GOLGA3: variants seen among roughly 807,000 people sequenced by gnomAD.
The protein encoded by GOLGA3 is golgin A3.
Under a neutral mutation model 169.4 loss-of-function variants are expected in GOLGA3, and 75 were observed. That is an observed-to-expected ratio of 0.44 (90% CI 0.37 to 0.54). GOLGA3 has a LOEUF of 0.54. GOLGA3 is among the 20% of genes least tolerant of loss of function. The pLI, the probability that GOLGA3 is intolerant of heterozygous loss-of-function variation, is 0.00. For synonymous variants in GOLGA3, 824 were observed against 822.4 expected (o/e 1.00, Z -0.03); for missense variants, 1,899 against 1,930.0 (o/e 0.98, Z 0.30).
At chr12:132,821,271 G>C (rs1409643834) in intron 2 of GOLGA3, among the ~76,000 whole-genome samples, 1 of 151,856 alleles carries the variant, frequency 6.6e-6, no homozygotes, top group East Asian at 1.9e-4. Context: ...GCTGGGCGTG[G>C]TAGCGCATGC....
At chr12:132,785,183 C>T (rs1468454301) in intron 15 of GOLGA3, among the ~76,000 whole-genome samples, 1 of 152,190 alleles carries the variant, frequency 6.6e-6, no homozygotes, top group South Asian at 2.1e-4. Flanking sequence ...AACAGCGTGG[C>T]GAGGGGCCAG....
In GOLGA3 at chr12:132,777,028, C is replaced by T. The variant is rs752656332; in HGVS notation, c.3785G>A (p.Arg1262Gln). 16 of 1,611,686 alleles carry T rather than the reference C, an allele frequency of 9.9e-6. No individual in the cohort carries two copies. The highest frequency in any genetic ancestry group is 2.7e-5 in the African/African-American group (2 of 74,882). ...CTTCTGCAGGAGCTGGAGCTGTGCC[C>T]GGGCCTCGGCCAGCTCTGCTTGGAA... Reference protein sequence around the residue: ...AQFQAELAEARAQLQLLQKQL... With the variant: ...AQFQAELAEAQAQLQLLQKQL... Residue 1262 changes from arginine (R) to glutamine (Q), a missense_variant, in exon 20 of 24, where the codon CGG becomes CAG. Physicochemically the swap from Arg to Gln is conservative, Grantham distance 43. Transcript: ENST00000450791. This position sits in a 1 kb window ranked among gnomAD's most constrained non-coding sequence, Gnocchi z 4.7.
intron 2 of GOLGA3, among the ~76,000 whole-genome samples, chr12:132,817,582 T>C (rs1950024985): frequency 2.8e-4 from 1 of 3,584 alleles, no homozygotes; most frequent in African/African-American, 6.9e-4. Flanking sequence ...GAACCCGCCC[T>C]CCACTCCTCC....
At chr12:132,775,365 C>T (rs1253242436) in intron 21 of GOLGA3, 60 bp from the exon 22 acceptor site, 2 of 1,462,918 alleles carry the variant, frequency 1.4e-6, no homozygotes, top group Non-Finnish European at 1.9e-6. Context: ...CTGCCAAGAT[C>T]CGAGTTTGTA....
chr12:132,795,587 C>T (rs1233374482), intron 11 of GOLGA3, among the ~76,000 whole-genome samples: 1 of 152,028 alleles, frequency 6.6e-6, no homozygotes, highest in Non-Finnish European at 1.5e-5. Context: ...ATGGCGAAAC[C>T]CCATCTCTAC....
At position 132,816,693 on chromosome 12, in the gene GOLGA3, T is replaced by A. The variant is rs752888713; in HGVS notation, c.253A>T (p.Thr85Ser). ...GCATCAGGGCCCACTGGGCTTGTGGTGGGATCGAGAGACGACGGAGGGTCT... is the reference window on the plus strand; with the variant it reads ...GCATCAGGGCCCACTGGGCTTGTGGAGGGATCGAGAGACGACGGAGGGTCT... ...FPDPPSSLDP[T>S]TSPVGPDASP... The change falls in exon 3 of 24, where the codon ACC becomes TCC. Residue 85 changes from threonine (T) to serine (S), a missense_variant. Physicochemically the swap from Thr to Ser is moderately conservative, Grantham distance 58 (BLOSUM62 1). Coordinates refer to ENST00000450791, the MANE Select transcript of GOLGA3 (RefSeq NM_001389683.1). The A allele has an allele frequency of 6.2e-7, 1 of 1,614,074 alleles. No homozygotes were observed. Among genetic ancestry groups the A allele is most frequent in the South Asian group, 1.1e-5 (1 of 91,084 alleles).
At chr12:132,790,673 G>A (rs1391979120) in intron 12 of GOLGA3, among the ~76,000 whole-genome samples, 2 of 152,074 alleles carry the variant, frequency 1.3e-5, no homozygotes, top group African/African-American at 4.8e-5. Context: ...AGTGACAGCC[G>A]CCCCTGGAGA....
intron 8 of GOLGA3, among the ~76,000 whole-genome samples, chr12:132,800,958 CA>C (rs546470120): frequency 6.6e-6 from 1 of 150,550 alleles, no homozygotes; most frequent in Non-Finnish European, 1.5e-5. Context: ...GACACAGTCT[CA>C]AAAAAAAACC....
rs1416229029 is a variant in GOLGA3, at chr12:132,780,852, G to A, written c.3528C>T (p.Ala1176=). The A allele has an allele frequency of 2.5e-6, 4 of 1,612,346 alleles. No homozygotes were observed. Among genetic ancestry groups the A allele is most frequent in the Non-Finnish European group, 2.5e-6 (3 of 1,180,006 alleles). The change falls in exon 18 of 24, where the codon GCC becomes GCT. Residue 1176 remains alanine (A), a synonymous_variant. Transcript: ENST00000450791. ...EDRQMKHLVQ[A]LQASLEKEKE... ...TCTCCTTCTCTAGTGAGGCCTGCAG[G>A]GCCTGGACAAGATGCTTCATCTGGC...
At chr12:132,789,346 C>G (rs2046103099) in intron 12 of GOLGA3, 56 bp from the exon 13 acceptor site, 1 of 1,461,202 alleles carries the variant, frequency 6.8e-7, no homozygotes, top group Non-Finnish European at 9.1e-7. Context: ...GGGGGGCGTA[C>G]CTGGGGGTCA....
rs142000244 is a variant in GOLGA3, at chr12:132,774,206, C to T, written c.4258G>A (p.Val1420Met). 6.8e-6 allele frequency: 11 copies of T among 1,608,798 alleles called. No homozygotes were observed. The highest frequency in any genetic ancestry group is 3.3e-5 in the South Asian group (3 of 90,986). Residue 1420 changes from valine (V) to methionine (M), a missense_variant, in exon 23 of 24, where the codon GTG (valine) becomes ATG (methionine). By Grantham distance (21) the Val-to-Met change is conservative. Transcript: ENST00000450791. ...AGGTTCTTGAGGGGCTCCTTGCTCA[C>T]GGCGGGCGGTGGTCTCAGCAGCTCC... The part of the protein sequence containing the change: ...LEELLRPPPA[V>M]SKEPLKNLNS...
At chr12:132,778,518 C>T (rs921609004) in intron 18 of GOLGA3, among the ~76,000 whole-genome samples, 1 of 151,684 alleles carries the variant, frequency 6.6e-6, no homozygotes, top group Non-Finnish European at 1.5e-5. Context: ...TTGCAGTGAG[C>T]CGAGATCGCG....
At chr12:132,825,677 C>T in intron 1 of GOLGA3, 1 of 974,336 alleles carries the variant, frequency 1.0e-6, no homozygotes, top group Non-Finnish European at 1.7e-6. Context: ...ACTGGAAGAG[C>T]ACCTTTTTTC....
chr12:132,780,474 G>A (rs945154325), intron 18 of GOLGA3, among the ~76,000 whole-genome samples: 4 of 152,180 alleles, frequency 2.6e-5, no homozygotes, highest in Non-Finnish European at 4.4e-5. Flanking sequence ...CTTATCTGCC[G>A]AACACAAATG....
rs1388477874 is a variant in GOLGA3, at chr12:132,787,685, C to CT, written c.2812-899_2812-898insA. ...CCCCGGGACCCCTCCCCGGAGACCCCGGGACCCCTCCCCGGAGACCCCGGG... is the reference window on the plus strand; with the variant it reads ...CCCCGGGACCCCTCCCCGGAGACCCCTGGGACCCCTCCCCGGAGACCCCGGG... On this transcript the variant is annotated intron_variant, in intron 13 of 23. Coordinates refer to ENST00000450791, the MANE Select transcript of GOLGA3 (RefSeq NM_001389683.1). Among the ~76,000 whole-genome samples the CT allele has an allele frequency of 0.018, 776 of 44,274 alleles. 232 individuals carry two copies. The East Asian group carries it at 0.29, about 17-fold the overall frequency. The allele number at this position is 44,274 out of a possible 152,430, so 29.0% of individuals were successfully genotyped here. A position where few individuals can be genotyped will look rare whatever the true frequency, so the allele number is the denominator to read the frequency against.
intron 9 of GOLGA3, 59 bp downstream of exon 9, chr12:132,798,281 A>T (rs934986648): frequency 4.7e-6 from 7 of 1,476,398 alleles, no homozygotes; most frequent in Non-Finnish European, 5.5e-6. Context: ...GAAAACACAC[A>T]TGGTATCGAT....
intron 6 of GOLGA3, among the ~76,000 whole-genome samples, chr12:132,805,301 G>A (rs539646926): frequency 2.9e-4 from 29 of 99,588 alleles, no homozygotes; most frequent in African/African-American, 1.0e-3. Context: ...ACCCTGCCCC[G>A]AGACCCCCAG....
intron 16 of GOLGA3, among the ~76,000 whole-genome samples, chr12:132,783,374 T>C (rs192632596): frequency 7.7e-4 from 118 of 152,322 alleles, no homozygotes; most frequent in African/African-American, 2.7e-3. Context: ...TGGAGAAGTC[T>C]GTCCAGGCAC....
At position 132,786,367 on chromosome 12, in the gene GOLGA3, C is replaced by G; in HGVS notation, c.3095G>C (p.Gly1032Ala). 2 of 1,606,902 alleles carry G rather than the reference C, an allele frequency of 1.2e-6. No homozygotes were observed. The highest frequency in any genetic ancestry group is 8.5e-7 in the Non-Finnish European group (1 of 1,175,828). Residue 1032 changes from glycine (G) to alanine (A), a missense_variant, in exon 15 of 24, where the codon GGC (glycine) becomes GCC (alanine). By Grantham distance (60) the Gly-to-Ala change is moderately conservative. Transcript: ENST00000450791. Reference protein sequence around the residue: ...AELGQLRAQGGSSDSSLALHE... With the variant: ...AELGQLRAQGASSDSSLALHE... ...TAGAGCCAGGCTGCTGTCACTGCTG[C>G]CACCCTGGGCTCGGAGCTGGCCCAG...
Sources: gnomAD v4.1 joint callset for allele counts (sites outside exome capture counted in the v4.1 genomes callset) on GRCh38, gnomAD v4.1.1 for gene constraint, Gnocchi (gnomAD v3.1) non-coding constraint, MANE v1.5 for transcripts, NCBI Gene and HGNC (gene_info 2026-07-23, HGNC 2026-07-21) for gene names.